CSTPP1: variants seen among roughly 807,000 people sequenced by gnomAD.
CSTPP1 encodes centriolar satellite-associated tubulin polyglutamylase complex regulator 1, also known as UPF0705 protein C11orf49.
the CSTPP1 span, chr11:47,161,418 G>A: frequency 1.9e-6 from 3 of 1,610,594 alleles, no homozygotes; most frequent in Middle Eastern, 2.1e-4. Context: ...CCTGCTCTCT[G>A]TACAGGAGGC....
At chr11:47,136,523 G>T in the CSTPP1 span, among the ~76,000 whole-genome samples, 1 of 152,174 alleles carries the variant, frequency 6.6e-6, no homozygotes, top group Non-Finnish European at 1.5e-5. Context: ...TGATGAAAAA[G>T]TACTAGGAAC....
the CSTPP1 span, among the ~76,000 whole-genome samples, chr11:46,995,354 T>C: frequency 6.6e-6 from 1 of 152,254 alleles, no homozygotes; most frequent in African/African-American, 2.4e-5. Flanking sequence ...CTTTAGTTCT[T>C]TTAATTGTGA....
chr11:46,981,863 G>A, the CSTPP1 span, among the ~76,000 whole-genome samples: 2 of 151,864 alleles, frequency 1.3e-5, no homozygotes, highest in African/African-American at 2.4e-5. Flanking sequence ...GTCTAGTGTG[G>A]TCTAAGATCA....
the CSTPP1 span, among the ~76,000 whole-genome samples, chr11:47,026,605 C>T: frequency 1.3e-5 from 2 of 152,234 alleles, no homozygotes; most frequent in Middle Eastern, 3.4e-3. Flanking sequence ...TGGCTGGGCA[C>T]GGTGGCTCAT....
the CSTPP1 span, among the ~76,000 whole-genome samples, chr11:47,011,198 CA>C: frequency 4.0e-5 from 6 of 151,750 alleles, no homozygotes; most frequent in South Asian, 1.0e-3. Flanking sequence ...AACTTTTTAT[CA>C]AAAAAAACTG....
chr11:47,034,611 A>G, the CSTPP1 span, among the ~76,000 whole-genome samples: 1 of 151,130 alleles, frequency 6.6e-6, no homozygotes, highest in Admixed American at 6.6e-5. Flanking sequence ...AGTGAGTTTC[A>G]TGCTTCAGCC....
chr11:47,039,833 C>G, the CSTPP1 span, among the ~76,000 whole-genome samples: 3 of 128,198 alleles, frequency 2.3e-5, no homozygotes, highest in East Asian at 6.3e-4. Context: ...AGCGAGACTC[C>G]GTCTCAAAAA....
chr11:47,161,758 T>TAAC, the CSTPP1 span: 3 of 1,443,288 alleles, frequency 2.1e-6, no homozygotes, highest in Non-Finnish European at 1.8e-6. Flanking sequence ...ACAAGGTGAA[T>TAAC]AACAGCCCCA....
the CSTPP1 span, among the ~76,000 whole-genome samples, chr11:46,957,266 TA>T: frequency 6.6e-6 from 1 of 152,220 alleles, no homozygotes; most frequent in Non-Finnish European, 1.5e-5. Flanking sequence ...CTTACATGGA[TA>T]TTACTTGTCT....
the CSTPP1 span, among the ~76,000 whole-genome samples, chr11:46,993,343 G>GTTTTC: frequency 1.1e-4 from 16 of 150,414 alleles, no homozygotes; most frequent in South Asian, 2.1e-4. Context: ...TATTGCCTAG[G>GTTTTC]TTTTCTTTTC....
chr11:47,035,439 T>C, the CSTPP1 span, among the ~76,000 whole-genome samples: 3 of 152,310 alleles, frequency 2.0e-5, no homozygotes, highest in Non-Finnish European at 2.9e-5. Context: ...ACTGGAGAAA[T>C]GAACTGCCCA....
the CSTPP1 span, among the ~76,000 whole-genome samples, chr11:47,062,151 T>A: frequency 6.6e-6 from 1 of 152,196 alleles, no homozygotes; most frequent in Non-Finnish European, 1.5e-5. Flanking sequence ...TTTTATCATA[T>A]CATTTATTAC....
chr11:47,013,061 CATAT>C, the CSTPP1 span, among the ~76,000 whole-genome samples: 4 of 145,730 alleles, frequency 2.7e-5, no homozygotes, highest in African/African-American at 1.0e-4. Flanking sequence ...TAAATAATAA[CATAT>C]ATATTTTATT....
At chr11:47,012,750 A>G in the CSTPP1 span, among the ~76,000 whole-genome samples, 3 of 152,176 alleles carry the variant, frequency 2.0e-5, no homozygotes, top group South Asian at 4.1e-4. Flanking sequence ...GGTGCCTTCT[A>G]TATAAATCAG....
the CSTPP1 span, among the ~76,000 whole-genome samples, chr11:47,007,012 T>G: frequency 7.1e-6 from 1 of 140,632 alleles, no homozygotes; most frequent in Non-Finnish European, 1.6e-5. Flanking sequence ...TTTTTTTTTT[T>G]TTTTTTTTTT....
chr11:47,070,894 C>T, the CSTPP1 span, among the ~76,000 whole-genome samples: 2 of 152,312 alleles, frequency 1.3e-5, no homozygotes, highest in East Asian at 3.9e-4. Context: ...TACTCTCCTA[C>T]TTATAGACTA....
the CSTPP1 span, chr11:47,157,346 A>C: frequency 9.3e-7 from 1 of 1,078,534 alleles, no homozygotes; most frequent in Non-Finnish European, 1.3e-6. Flanking sequence ...TCATAATGTA[A>C]CAGTGCCATT....
chr11:47,035,567 TAC>T, the CSTPP1 span, among the ~76,000 whole-genome samples: 5 of 152,242 alleles, frequency 3.3e-5, no homozygotes, highest in Non-Finnish European at 7.3e-5. Context: ...CAGTATGAGC[TAC>T]AGTTAATTTT....
the CSTPP1 span, among the ~76,000 whole-genome samples, chr11:47,001,729 A>G: frequency 1.3e-5 from 2 of 152,128 alleles, no homozygotes; most frequent in Admixed American, 6.6e-5. Context: ...TCTTTCCTAC[A>G]TAATCTATAA....
Sources: gnomAD v4.1 joint callset for allele counts (sites outside exome capture counted in the v4.1 genomes callset) on GRCh38, gnomAD v4.1.1 for gene constraint, MANE v1.5 for transcripts, NCBI Gene and HGNC (gene_info 2026-07-23, HGNC 2026-07-21) for gene names.